The following CYB5R4 variants were observed in gnomAD, a reference collection of about 807,000 sequenced individuals.
CYB5R4 encodes the protein N-terminal cytochrome b5 and cytochrome b5 oxidoreductase domain-containing protein.
Under a neutral mutation model 70.2 loss-of-function variants are expected in CYB5R4, and 55 were observed. That is an observed-to-expected ratio of 0.78 (90% confidence interval 0.63 to 0.98). The LOEUF is 0.98. Ranked by LOEUF, CYB5R4 falls within the 50% of genes least tolerant of loss-of-function variation. The pLI, the probability that CYB5R4 is intolerant of heterozygous loss-of-function variation, is 0.00. For synonymous variants in CYB5R4, 197 were observed against 199.5 expected (o/e 0.99, Z 0.11); for missense variants, 562 against 612.6 (o/e 0.92, Z 0.87).
intron 3 of CYB5R4, among the ~76,000 whole-genome samples, chr6:83,901,534 G>A (rs1472202065): frequency 6.6e-6 from 1 of 152,066 alleles, no homozygotes; most frequent in Non-Finnish European, 1.5e-5. Context: ...AAGTTCTCCT[G>A]GATAATATCC....
chr6:83,954,809 A>G (rs1438423856), intron 14 of CYB5R4, among the ~76,000 whole-genome samples: 1 of 151,916 alleles, frequency 6.6e-6, no homozygotes, highest in East Asian at 1.9e-4. Context: ...ATCTCACTGG[A>G]TCAAACGATC....
rs2099473050 is a variant in CYB5R4, at chr6:83,959,886, C to T, written c.*8C>T. Reference sequence around the variant, plus strand: ...CATAGTTTTACAGCATAATGAAGAGCTGTCATTGTCCTTTATTCAACTAGT... The same window carrying T: ...CATAGTTTTACAGCATAATGAAGAGTTGTCATTGTCCTTTATTCAACTAGT... On this transcript the variant is annotated 3_prime_UTR_variant, in exon 16 of 16. Coordinates refer to ENST00000369681, the MANE Select transcript of CYB5R4 (RefSeq NM_016230.4). The T allele has an allele frequency of 6.3e-7, 1 of 1,589,392 alleles. No homozygotes were observed. Among genetic ancestry groups the T allele is most frequent in the African/African-American group, 1.3e-5 (1 of 74,354 alleles).
intron 2 of CYB5R4, among the ~76,000 whole-genome samples, chr6:83,886,162 A>G (rs775311634): frequency 2.0e-5 from 3 of 152,154 alleles, no homozygotes; most frequent in Non-Finnish European, 4.4e-5. Context: ...AGGGCATCCC[A>G]TGGTAAGGGG....
intron 3 of CYB5R4, among the ~76,000 whole-genome samples, chr6:83,899,709 G>C (rs915004595): frequency 1.1e-4 from 17 of 152,008 alleles, no homozygotes; most frequent in African/African-American, 3.6e-4. Context: ...TGTATGTGTC[G>C]AGGAATTTAT....
chr6:83,914,838 ATTTTT>A (rs148327073), intron 5 of CYB5R4, among the ~76,000 whole-genome samples: 1 of 145,196 alleles, frequency 6.9e-6, no homozygotes. Context: ...CCCGGCCTAG[ATTTTT>A]TTTTTTTTTT....
chr6:83,862,089 C>T (rs532909200), intron 1 of CYB5R4, among the ~76,000 whole-genome samples: 1 of 152,260 alleles, frequency 6.6e-6, no homozygotes, highest in South Asian at 2.1e-4. Flanking sequence ...GAGTCTGTTT[C>T]CTCAGATGTA....
chr6:83,919,227 G>A (rs979046079), intron 6 of CYB5R4, among the ~76,000 whole-genome samples, 170 bp from the exon 7 acceptor site: 6 of 152,076 alleles, frequency 3.9e-5, no homozygotes, highest in African/African-American at 1.4e-4. Context: ...ATAGTTGTCA[G>A]CTGTATAATG....
intron 3 of CYB5R4, among the ~76,000 whole-genome samples, chr6:83,894,049 A>G (rs1388281529): frequency 6.6e-6 from 1 of 152,218 alleles, no homozygotes; most frequent in East Asian, 1.9e-4. Flanking sequence ...TATTCAGCCT[A>G]CTGCTATATA....
intron 2 of CYB5R4, among the ~76,000 whole-genome samples, chr6:83,889,198 G>A (rs1443494097): frequency 2.0e-5 from 3 of 152,206 alleles, no homozygotes; most frequent in Admixed American, 2.0e-4. Flanking sequence ...AGAAGATCTA[G>A]CTAAGATCAG....
chr6:83,918,075 C>T lies in CYB5R4; in HGVS notation c.506+10C>T, dbSNP rs751762835. 6.9e-6 allele frequency: 11 copies of T among 1,599,862 alleles called. No individual in the cohort carries two copies. The highest frequency in any genetic ancestry group is 1.7e-4 in the Middle Eastern group (1 of 5,996). On this transcript the variant is annotated intron_variant, in intron 6 of 15. Transcript: ENST00000369681. ...GTCCTAGTTATCCAAGGTATGCATT[C>T]TTATTTAAAATTTTTAAAGTTAAAT...
chr6:83,860,423 CT>C, intron 1 of CYB5R4, among the ~76,000 whole-genome samples: 1 of 152,096 alleles, frequency 6.6e-6, no homozygotes, highest in East Asian at 1.9e-4. Context: ...TTGTCATTGC[CT>C]TTTCTACTAG....
chr6:83,957,057 A>C (rs114895886), intron 15 of CYB5R4, among the ~76,000 whole-genome samples: 255 of 151,982 alleles, frequency 1.7e-3, no homozygotes, highest in African/African-American at 5.7e-3. Flanking sequence ...TTTTATTTTT[A>C]ATTAAATATA....
At chr6:83,951,733 G>A (rs2099471555) in intron 14 of CYB5R4, among the ~76,000 whole-genome samples, 1 of 152,114 alleles carries the variant, frequency 6.6e-6, no homozygotes, top group African/African-American at 2.4e-5. Flanking sequence ...GAATAGTGCT[G>A]CAATAAACAT....
chr6:83,879,274 T>C (rs2099459081), intron 2 of CYB5R4, among the ~76,000 whole-genome samples: 1 of 152,106 alleles, frequency 6.6e-6, no homozygotes, highest in Non-Finnish European at 1.5e-5. Context: ...GCAAAGGGTC[T>C]AGGATGTGAG....
At chr6:83,864,106 T>A in intron 1 of CYB5R4, 69 bp from the exon 2 acceptor site, 1 of 1,383,936 alleles carries the variant, frequency 7.2e-7, no homozygotes, top group Non-Finnish European at 9.7e-7. Flanking sequence ...AGATTTGAGT[T>A]TTATTATCTT....
chr6:83,895,196 C>T (rs1487625551), intron 3 of CYB5R4, among the ~76,000 whole-genome samples: 2 of 152,094 alleles, frequency 1.3e-5, no homozygotes, highest in African/African-American at 2.4e-5. Context: ...GACAGAGTCT[C>T]GCTCTGTCCC....
At chr6:83,900,183 T>G (rs928753691) in intron 3 of CYB5R4, among the ~76,000 whole-genome samples, 1 of 152,196 alleles carries the variant, frequency 6.6e-6, no homozygotes, top group African/African-American at 2.4e-5. Flanking sequence ...TTCTCATTGG[T>G]TTCAAAGAAC....
intron 7 of CYB5R4, among the ~76,000 whole-genome samples, chr6:83,920,171 C>A (rs1242825145): frequency 2.0e-5 from 3 of 152,142 alleles, no homozygotes; most frequent in East Asian, 3.9e-4. Context: ...CATCCTCCAG[C>A]AACTGTTGAG....
intron 2 of CYB5R4, among the ~76,000 whole-genome samples, chr6:83,885,598 T>A (rs944050512): frequency 6.6e-6 from 1 of 152,218 alleles, no homozygotes; most frequent in Non-Finnish European, 1.5e-5. Flanking sequence ...CGCTTTAATC[T>A]TGCATTGTAC....
Sources: allele counts gnomAD v4.1 joint callset (sites outside exome capture counted in the v4.1 genomes callset), GRCh38; gene constraint gnomAD v4.1.1; transcripts MANE v1.5; gene names NCBI Gene and HGNC (gene_info 2026-07-23, HGNC 2026-07-21).